The following TENM1 variants were observed in gnomAD, a reference collection of about 807,000 sequenced individuals.
The protein encoded by TENM1 is teneurin transmembrane protein 1.
Under a neutral mutation model 174.8 loss-of-function variants are expected in TENM1, and 35 were observed. The ratio of observed to expected loss-of-function variants is 0.20; its 90% CI spans 0.15 to 0.27. The LOEUF (loss-of-function observed/expected upper bound fraction) is 0.27. TENM1 is among the 10% of genes least tolerant of loss of function. The pLI, the probability that TENM1 is intolerant of heterozygous loss-of-function variation, is 1.00. For missense variants in TENM1, 1,633 were observed against 2,130.1 expected, an observed-to-expected ratio of 0.77 and a Z score of 4.59; for synonymous variants, 781 against 798.7, an observed-to-expected ratio of 0.98 and a Z score of 0.37.
intron 11 of TENM1, among the ~76,000 whole-genome samples, chrX:124,577,504 A>G (rs1207085262): frequency 9.0e-6 from 1 of 111,698 alleles, no homozygotes; most frequent in African/African-American, 3.3e-5. Flanking sequence ...CATTTAAGAC[A>G]TTTAGTTTTA....
chrX:124,490,583 C>A (rs149835098), intron 20 of TENM1, among the ~76,000 whole-genome samples: 2,697 of 111,829 alleles, frequency 0.024, 28 homozygotes, highest in Middle Eastern at 0.07. Context: ...ACAGGAAAAT[C>A]TCAAGAGAAA....
intron 5 of TENM1, among the ~76,000 whole-genome samples, chrX:124,700,989 A>G (rs1470387251): frequency 1.8e-5 from 2 of 111,627 alleles, no homozygotes; most frequent in Non-Finnish European, 3.8e-5. Flanking sequence ...TGCCCTCTTG[A>G]ATAGTTTCAT....
chrX:124,378,391 T>A (rs758042604), exon 32 of TENM1: 5 of 112,565 alleles, frequency 4.4e-5, no homozygotes, highest in African/African-American at 1.6e-4. Context: ...ACAAATTATT[T>A]TTCCATTAAT....
intron 3 of TENM1, among the ~76,000 whole-genome samples, chrX:124,772,087 C>A (rs1304101390): frequency 1.8e-5 from 2 of 111,161 alleles, no homozygotes; most frequent in Non-Finnish European, 3.8e-5. Context: ...TTTTAAAGTT[C>A]TTAAAATAGT....
At chrX:124,471,193 TATATA>T (rs1176263259) in intron 22 of TENM1, among the ~76,000 whole-genome samples, 1 of 64,013 alleles carries the variant, frequency 1.6e-5, no homozygotes, top group Non-Finnish European at 2.8e-5. Context: ...TAATATATAT[TATATA>T]ATATATAGTA....
the TENM1 span, among the ~76,000 whole-genome samples, chrX:124,979,012 C>G: frequency 8.9e-6 from 1 of 112,224 alleles, no homozygotes; most frequent in Non-Finnish European, 1.9e-5. Context: ...ACTGTAACAT[C>G]TACCAACAAT....
intron 14 of TENM1, among the ~76,000 whole-genome samples, chrX:124,560,234 T>C (rs2048787086): frequency 9.6e-6 from 1 of 103,805 alleles, no homozygotes; most frequent in Admixed American, 1.0e-4. Context: ...TGTGTGTGTG[T>C]ATGTGTGGTG....
chrX:125,147,301 T>C, the TENM1 span, among the ~76,000 whole-genome samples: 3 of 110,116 alleles, frequency 2.7e-5, no homozygotes, highest in African/African-American at 6.6e-5. Context: ...TACTATAGTA[T>C]ATATGTGTGG....
At chrX:124,525,354 A>C (rs1419569209) in intron 16 of TENM1, among the ~76,000 whole-genome samples, 1 of 112,300 alleles carries the variant, frequency 8.9e-6, no homozygotes, top group Non-Finnish European at 1.9e-5. Context: ...AATTCATAAT[A>C]CTACAGGAAC....
the TENM1 span, among the ~76,000 whole-genome samples, chrX:125,113,680 G>A: frequency 9.0e-6 from 1 of 110,766 alleles, no homozygotes; most frequent in Admixed American, 9.6e-5. Flanking sequence ...TTACATAATG[G>A]TAAAGGGATC....
At chrX:124,438,806 C>G (rs1234363319) in intron 23 of TENM1, among the ~76,000 whole-genome samples, 2 of 110,844 alleles carry the variant, frequency 1.8e-5, no homozygotes, top group African/African-American at 6.6e-5. Flanking sequence ...ATGGAAATAT[C>G]TCTGATAACA....
At position 124,497,185 on chromosome X, in the gene TENM1, G is replaced by A. The variant is rs1190438394; in HGVS notation, c.3526C>T (p.His1176Tyr). 2.5e-6 allele frequency: 3 copies of A among 1,207,173 alleles called. No individual in the cohort carries two copies. The African/African-American group carries it at 5.3e-5, about 21-fold the overall frequency. Residue 1176 changes from histidine (H) to tyrosine (Y), a missense_variant, in exon 20 of 32, where the codon CAC becomes TAC. Around this residue, in one of 4 missense-constraint regions of TENM1, gnomAD observed 449 missense variants for 636.2 expected, o/e 0.71. Coordinates refer to ENST00000422452, the Ensembl canonical transcript of TENM1. Reference sequence around the variant, plus strand: ...TTGGTGCAGGCTACACTCCTTTGGTGTCCATTACCCATTATGGTTGATATG... The same window carrying A: ...TTGGTGCAGGCTACACTCCTTTGGTATCCATTACCCATTATGGTTGATATG...
chrX:124,507,250 T>C (rs1328741243), intron 18 of TENM1, among the ~76,000 whole-genome samples: 1 of 111,316 alleles, frequency 9.0e-6, no homozygotes, highest in Non-Finnish European at 1.9e-5. Context: ...CTGGTGTGCA[T>C]ATATTGAGAA....
chrX:124,708,597 T>C (rs566588687), intron 4 of TENM1, among the ~76,000 whole-genome samples: 11 of 111,427 alleles, frequency 9.9e-5, no homozygotes, highest in African/African-American at 3.6e-4. Flanking sequence ...ACACATAATG[T>C]AGTACTACAC....
chrX:124,413,957 C>G (rs1386694129), intron 25 of TENM1, among the ~76,000 whole-genome samples: 1 of 111,983 alleles, frequency 8.9e-6, no homozygotes, highest in African/African-American at 3.2e-5. Flanking sequence ...ATCTTGCCCC[C>G]TACCCCTTCT....
At chrX:124,904,070 CGT>C (rs751117785) in intron 1 of TENM1, among the ~76,000 whole-genome samples, 3 of 108,412 alleles carry the variant, frequency 2.8e-5, no homozygotes, top group Non-Finnish European at 3.8e-5. Flanking sequence ...TGTGTGTGTG[CGT>C]GTGTGTGTGT....
intron 3 of TENM1, among the ~76,000 whole-genome samples, chrX:124,797,521 C>T (rs2055333228): frequency 1.8e-5 from 2 of 111,049 alleles, no homozygotes; most frequent in Admixed American, 1.9e-4. Context: ...TTGCATTTTT[C>T]AGAGACAGTG....
the TENM1 span, among the ~76,000 whole-genome samples, chrX:125,045,040 C>T: frequency 9.0e-6 from 1 of 111,207 alleles, no homozygotes; most frequent in Admixed American, 9.6e-5. Context: ...GCTTGAGAGG[C>T]CTCACGAGAC....
At chrX:124,839,333 G>T (rs1423103980) in intron 3 of TENM1, among the ~76,000 whole-genome samples, 1 of 111,524 alleles carries the variant, frequency 9.0e-6, no homozygotes, top group Non-Finnish European at 1.9e-5. Flanking sequence ...GTTAACTCTG[G>T]GAAGGAAAGA....
Sources: gnomAD v4.1 joint callset for allele counts (sites outside exome capture counted in the v4.1 genomes callset) on GRCh38, gnomAD v4.1.1 for gene constraint, gnomAD v4.1.1 regional missense constraint, MANE v1.5 for transcripts, NCBI Gene and HGNC (gene_info 2026-07-23, HGNC 2026-07-21) for gene names.